Variants in CHEK1 observed in about 807,000 individuals in gnomAD.
The protein encoded by CHEK1 is serine/threonine-protein kinase Chk1.
Under a neutral mutation model 60.2 loss-of-function variants are expected in CHEK1, and 32 were observed. The ratio of observed to expected loss-of-function variants is 0.53; its 90% CI spans 0.40 to 0.71. The LOEUF is 0.71. Ranked by LOEUF, CHEK1 falls within the 30% of genes least tolerant of loss-of-function variation. The pLI, the probability that CHEK1 is intolerant of heterozygous loss-of-function variation, is 0.00. For missense variants in CHEK1, 399 were observed against 564.6 expected, an observed-to-expected ratio of 0.71 and a Z score of 2.97; for synonymous variants, 179 against 187.2, an observed-to-expected ratio of 0.96 and a Z score of 0.36.
intron 5 of CHEK1, 105 bp downstream of exon 5, chr11:125,629,565 C>A: frequency 2.6e-6 from 2 of 780,260 alleles, no homozygotes; most frequent in Non-Finnish European, 3.9e-6. Flanking sequence ...AAAATCAAGT[C>A]TTTTTGCATT....
At chr11:125,666,824 T>C (rs1942107544) in intron 13 of CHEK1, among the ~76,000 whole-genome samples, 2 of 152,204 alleles carry the variant, frequency 1.3e-5, no homozygotes, top group South Asian at 4.1e-4. Flanking sequence ...TTTTTTGCTT[T>C]CTGTTTACTT....
At chr11:125,670,067 A>G (rs1056557124) in intron 13 of CHEK1, among the ~76,000 whole-genome samples, 2 of 152,170 alleles carry the variant, frequency 1.3e-5, no homozygotes, top group Admixed American at 6.5e-5. Context: ...GATAATTACT[A>G]TTGATCTGTC....
intron 8 of CHEK1, among the ~76,000 whole-genome samples, chr11:125,637,768 G>A (rs1025729972): frequency 6.6e-6 from 1 of 152,204 alleles, no homozygotes; most frequent in African/African-American, 2.4e-5. Flanking sequence ...AAGGGACAGG[G>A]AAGACTTTTC....
chr11:125,626,861 TTC>T, intron 2 of CHEK1, 28 bp downstream of exon 2: 1 of 1,609,192 alleles, frequency 6.2e-7, no homozygotes, highest in Non-Finnish European at 8.5e-7. Context: ...TGCCTTCGTT[TTC>T]TGAGTGCATA....
intron 13 of CHEK1, among the ~76,000 whole-genome samples, chr11:125,666,279 A>T (rs1174120523): frequency 6.6e-6 from 1 of 151,144 alleles, no homozygotes; most frequent in East Asian, 1.9e-4. Flanking sequence ...TCAGAAGCAC[A>T]TTGTTTAATT....
At chr11:125,678,011 CTGCTCACCTACAGTA>C (rs762282673), downstream of CHEK1, 2 of 1,614,084 alleles carry the variant, frequency 1.2e-6, no homozygotes, top group Non-Finnish European at 1.7e-6. Context: ...CTCCTGAAGG[CTGCTCACCTACAGTA>C]TGCTCACCTT....
chr11:125,644,461 C>G (rs1475720524), intron 10 of CHEK1, 51 bp from the exon 11 acceptor site: 1 of 1,582,796 alleles, frequency 6.3e-7, no homozygotes, highest in Non-Finnish European at 8.6e-7. Context: ...TATGATATTA[C>G]TGTCTTTAGT....
At chr11:125,629,332 T>G in intron 4 of CHEK1, 36 bp downstream of exon 4, 3 of 1,612,956 alleles carry the variant, frequency 1.9e-6, no homozygotes, top group Non-Finnish European at 8.5e-7. Context: ...TTACTTAAAA[T>G]TAGAGTGAAT....
chr11:125,674,763 G>C (rs149427238), intron 13 of CHEK1, among the ~76,000 whole-genome samples: 24 of 152,158 alleles, frequency 1.6e-4, no homozygotes, highest in Non-Finnish European at 2.6e-4. Flanking sequence ...AATGATAAAG[G>C]GTATTTTAAA....
chr11:125,627,545 T>C lies in CHEK1; in HGVS notation c.66-62T>C, dbSNP rs1008134626. 3.6e-6 allele frequency: 5 copies of C among 1,407,804 alleles called. No individual in the cohort carries two copies. The African/African-American group carries it at 7.2e-5, about 20-fold the overall frequency. The allele number at this position is 1,407,804 out of a possible 1,614,324, so 87.2% of individuals were successfully genotyped here. A position where few individuals can be genotyped will look rare whatever the true frequency, so the allele number is the denominator to read the frequency against. ...AAAATCGTTTTGGATGAGTCATGTT[T>C]AATCTTTGGAAGTTTTAGAAGAAAT... On this transcript the variant is annotated intron_variant, in intron 2 of 12. Coordinates refer to ENST00000438015, the MANE Select transcript of CHEK1 (RefSeq NM_001114122.3).
chr11:125,655,198 A>C (rs1342717180), intron 12 of CHEK1, 27 bp from the exon 13 acceptor site: 11 of 1,557,262 alleles, frequency 7.1e-6, no homozygotes, highest in Non-Finnish European at 3.5e-6. Context: ...GTTTTGACAT[A>C]ATTTTTTAAT....
chr11:125,678,316 A>G (rs372086695), downstream of CHEK1: 3 of 1,609,502 alleles, frequency 1.9e-6, no homozygotes. Flanking sequence ...GAGAAGGAAC[A>G]GAAGAGAGTT....
In CHEK1 at chr11:125,655,527, G is replaced by T; in HGVS notation, c.*207G>T. The T allele has an allele frequency of 2.5e-6, 1 of 393,756 alleles. No individual in the cohort carries two copies. Among genetic ancestry groups the T allele is most frequent in the Non-Finnish European group, 4.5e-6 (1 of 222,920 alleles). 24.4% of individuals were successfully genotyped at this position (393,756 alleles called of 1,614,324 possible). ...ATCTTAATTGTAAGCAAAACTTTGG[G>T]GAAAGGATGAATAGAATTCATTTGA... On this transcript the variant is annotated 3_prime_UTR_variant, in exon 13 of 13. Coordinates refer to ENST00000438015, the MANE Select transcript of CHEK1 (RefSeq NM_001114122.3).
In CHEK1 at chr11:125,626,466, G is replaced by T. The variant is rs201882373; in HGVS notation, c.-20-283G>T. 46 of 479,784 alleles carry T rather than the reference G, an allele frequency of 9.6e-5. 1 individual carries two copies. The highest frequency in any genetic ancestry group is 7.0e-4 in the East Asian group (21 of 29,824). The allele number at this position is 479,784 out of a possible 1,614,324, so 29.7% of individuals were successfully genotyped here. ...CCCAGTCGTTCGCCGGAAAGCATTT[G>T]TCTCCCACCTCTTCATAACAACAAT... On this transcript the variant is annotated intron_variant, in intron 1 of 12. Coordinates refer to ENST00000438015, the MANE Select transcript of CHEK1 (RefSeq NM_001114122.3).
At chr11:125,676,639 C>A (rs1942524635), downstream of CHEK1, among the ~76,000 whole-genome samples, 1 of 152,070 alleles carries the variant, frequency 6.6e-6, no homozygotes, top group Admixed American at 6.6e-5. Context: ...TAGACCTGTG[C>A]CAGAGGAAAT....
chr11:125,672,578 C>G (rs181562851), intron 13 of CHEK1: 11 of 1,612,902 alleles, frequency 6.8e-6, no homozygotes, highest in East Asian at 2.2e-5. Context: ...TCAAAACAAG[C>G]AAGGGCCCAG....
chr11:125,665,948 TTTTG>T (rs563457006), intron 13 of CHEK1, among the ~76,000 whole-genome samples: 38 of 150,100 alleles, frequency 2.5e-4, no homozygotes, highest in African/African-American at 8.0e-4. Context: ...AAAAACAACT[TTTTG>T]TTTCATTTAT....
downstream of CHEK1, among the ~76,000 whole-genome samples, chr11:125,657,443 G>A (rs1001535396): frequency 1.3e-5 from 2 of 152,054 alleles, no homozygotes; most frequent in East Asian, 1.9e-4. Flanking sequence ...CCTATATGCA[G>A]TCTCCCAATC....
Position 125,625,692 on chromosome 11 carries a change from G to A in CHEK1, c.-341G>A, listed in dbSNP as rs547340144. 1 of 628,246 alleles carries A rather than the reference G, an allele frequency of 1.6e-6. No homozygotes were observed. The highest frequency in any genetic ancestry group is 2.9e-6 in the Non-Finnish European group (1 of 343,766). The allele number at this position is 628,246 out of a possible 1,614,324, so 38.9% of individuals were successfully genotyped here. A position where few individuals can be genotyped will look rare whatever the true frequency, so the allele number is the denominator to read the frequency against. ...GCCTGGGCTTCCCCCAGCAGCGCTC[G>A]AGCACCGCCCAGTCGAGCCTCACAC... is the stretch of plus-strand genomic sequence containing the variant. On this transcript the variant is annotated 5_prime_UTR_variant, in exon 1 of 13. Coordinates refer to ENST00000438015, the MANE Select transcript of CHEK1 (RefSeq NM_001114122.3).
Sources: allele counts gnomAD v4.1 joint callset (sites outside exome capture counted in the v4.1 genomes callset), GRCh38; gene constraint gnomAD v4.1.1; transcripts MANE v1.5; gene names NCBI Gene and HGNC (gene_info 2026-07-23, HGNC 2026-07-21).